Variants in C14orf39 observed in about 807,000 individuals in gnomAD.
C14orf39 encodes the protein chromosome 14 open reading frame 39, also known as protein SIX6OS1.
A neutral mutation model predicts 85.6 loss-of-function variants in C14orf39; 66 were observed. The ratio of observed to expected loss-of-function variants is 0.77; its 90% CI spans 0.63 to 0.95. The LOEUF is 0.95. C14orf39 is among the 40% of genes least tolerant of loss of function. The pLI, the probability that C14orf39 is intolerant of heterozygous loss-of-function variation, is 0.00. For synonymous variants in C14orf39, 242 were observed against 214.0 expected (o/e 1.13, Z -1.14); for missense variants, 735 against 663.9 (o/e 1.11, Z -1.18).
chr14:60,471,593 T>G lies in C14orf39; in HGVS notation c.470A>C (p.Glu157Ala), dbSNP rs753101932. 1 of 1,605,126 alleles carries G rather than the reference T, an allele frequency of 6.2e-7. No individual in the cohort carries two copies. The highest frequency in any genetic ancestry group is 8.5e-7 in the Non-Finnish European group (1 of 1,176,902). ...AATTGTTTCATTCATTTTTAATTGT[T>G]CAGTACATGCCAACACTCTGCTTTG... ...EIQSRVLACT[E>A]QLKMNETIFM... The change falls in exon 6 of 18, where the codon GAA becomes GCA. Residue 157 changes from glutamate (E) to alanine (A), a missense_variant. Glu to Ala is a moderately radical substitution (Grantham distance 107). Transcript: ENST00000321731.
chr14:60,478,467 A>T, intron 4 of C14orf39, 78 bp from the exon 5 acceptor site: 1 of 710,992 alleles, frequency 1.4e-6, no homozygotes, highest in Non-Finnish European at 2.2e-6. Flanking sequence ...AAAAGAACAT[A>T]ATTATTTAAA....
At chr14:60,439,102 G>C (rs1224949037) in intron 17 of C14orf39, among the ~76,000 whole-genome samples, 2 of 152,148 alleles carry the variant, frequency 1.3e-5, no homozygotes, top group African/African-American at 4.8e-5. Context: ...TGAGGTGATG[G>C]ATATTCCAAT....
At chr14:60,480,772 G>GA (rs60531858) in intron 4 of C14orf39, among the ~76,000 whole-genome samples, 1 of 152,010 alleles carries the variant, frequency 6.6e-6, no homozygotes, top group Non-Finnish European at 1.5e-5. Flanking sequence ...TATACAGCCT[G>GA]AAAAAAAGTA....
At chr14:60,446,655 T>C (rs983309390) in intron 16 of C14orf39, among the ~76,000 whole-genome samples, 7 of 152,172 alleles carry the variant, frequency 4.6e-5, no homozygotes, top group Admixed American at 1.3e-4. Context: ...TCTGAAACTA[T>C]TCCAATCAAT....
chr14:60,466,836 A>T, intron 10 of C14orf39, 81 bp downstream of exon 10: 1 of 1,118,556 alleles, frequency 8.9e-7, no homozygotes, highest in Non-Finnish European at 1.2e-6. Flanking sequence ...ACACCAAATG[A>T]TAAATAAAAT....
At chr14:60,510,767 C>T (rs1391492146) in intron 1 of C14orf39, among the ~76,000 whole-genome samples, 1 of 152,236 alleles carries the variant, frequency 6.6e-6, no homozygotes, top group Non-Finnish European at 1.5e-5. Context: ...CGTTTATTTC[C>T]TGACAGTCCT....
At chr14:60,507,517 G>T (rs375691955) in intron 1 of C14orf39, among the ~76,000 whole-genome samples, 1 of 152,172 alleles carries the variant, frequency 6.6e-6, no homozygotes, top group African/African-American at 2.4e-5. Flanking sequence ...AAGCCTCTCC[G>T]TTGAGGCGGT....
intron 2 of C14orf39, among the ~76,000 whole-genome samples, chr14:60,492,317 T>C (rs887209527): frequency 6.6e-6 from 1 of 152,170 alleles, no homozygotes; most frequent in Admixed American, 6.5e-5. Flanking sequence ...TGCTCAATAT[T>C]AACACATGTA....
intron 4 of C14orf39, 37 bp downstream of exon 4, chr14:60,483,654 A>C (rs1892744000): frequency 6.4e-7 from 1 of 1,551,384 alleles, no homozygotes; most frequent in African/African-American, 1.4e-5. Context: ...CCCTAAATAA[A>C]AGAATGCAAT....
chr14:60,510,281 C>T (rs1893270833), intron 1 of C14orf39, among the ~76,000 whole-genome samples: 1 of 152,184 alleles, frequency 6.6e-6, no homozygotes, highest in African/African-American at 2.4e-5. Flanking sequence ...CAGTTAGGGA[C>T]CCCAAGACCC....
intron 1 of C14orf39, among the ~76,000 whole-genome samples, chr14:60,503,813 T>C (rs2224410): frequency 0.83 from 125,795 of 152,192 alleles, 53,502 homozygotes; most frequent in Non-Finnish European, 0.92. Context: ...CAGATTTTAT[T>C]AACATGGCCT....
chr14:60,496,457 TC>T, intron 2 of C14orf39: 1 of 275,594 alleles, frequency 3.6e-6, no homozygotes, highest in South Asian at 4.8e-5. Context: ...ATCCAGCTTC[TC>T]CTTTATGTCC....
At chr14:60,474,555 ATTATT>A (rs1892273939) in intron 5 of C14orf39, among the ~76,000 whole-genome samples, 2 of 151,844 alleles carry the variant, frequency 1.3e-5, no homozygotes, top group South Asian at 4.2e-4. Flanking sequence ...AATAGCTCTT[ATTATT>A]TTGAGATACG....
intron 3 of C14orf39, 52 bp from the exon 4 acceptor site, chr14:60,483,869 T>C (rs1892758671): frequency 7.7e-7 from 1 of 1,290,340 alleles, no homozygotes; most frequent in South Asian, 1.4e-5. Flanking sequence ...AAGTTCAAAA[T>C]AAACAAATAG....
chr14:60,469,960 C>G (rs1318938540), intron 7 of C14orf39, among the ~76,000 whole-genome samples: 1 of 94,326 alleles, frequency 1.1e-5, no homozygotes, highest in African/African-American at 3.8e-5. Flanking sequence ...CTTTTTAAAT[C>G]AAAGTTCATT....
chr14:60,475,398 C>T (rs1371761819), intron 5 of C14orf39, among the ~76,000 whole-genome samples: 2 of 152,010 alleles, frequency 1.3e-5, no homozygotes, highest in Non-Finnish European at 2.9e-5. Flanking sequence ...GACCTGTGCT[C>T]GATTCTACAA....
At chr14:60,494,793 A>G (rs1893043992) in intron 2 of C14orf39, 2 of 152,490 alleles carry the variant, frequency 1.3e-5, no homozygotes, top group Admixed American at 1.3e-4. Flanking sequence ...GCCATCATGT[A>G]GTTAGAGTAA....
At chr14:60,489,216 T>C (rs1457360643), upstream of C14orf39, among the ~76,000 whole-genome samples, 1 of 152,166 alleles carries the variant, frequency 6.6e-6, no homozygotes, top group Non-Finnish European at 1.5e-5. Context: ...ATTCACAAAG[T>C]CTTGCTGATT....
chr14:60,500,785 C>T (rs570613640), intron 1 of C14orf39, among the ~76,000 whole-genome samples: 20 of 151,928 alleles, frequency 1.3e-4, no homozygotes, highest in African/African-American at 3.9e-4. Flanking sequence ...AATAGTACTA[C>T]GAGAAACTCA....
Sources: gnomAD v4.1 joint callset for allele counts (sites outside exome capture counted in the v4.1 genomes callset) on GRCh38, gnomAD v4.1.1 for gene constraint, MANE v1.5 for transcripts, NCBI Gene and HGNC (gene_info 2026-07-23, HGNC 2026-07-21) for gene names.